METTL5: variants seen among roughly 807,000 people sequenced by gnomAD.
The protein encoded by METTL5 is rRNA N(6)-adenosine-methyltransferase METTL5.
METTL5 carries 28 observed loss-of-function variants against 26.5 expected under a neutral mutation model. The ratio of observed to expected loss-of-function variants is 1.06; its 90% CI spans 0.78 to 1.45. The LOEUF is 1.45. Among genes scored for constraint, METTL5 ranks in the 40% most tolerant of loss-of-function variants. The pLI is 0.00. For missense variants in METTL5, 231 were observed against 249.9 expected, an observed-to-expected ratio of 0.92 and a Z score of 0.51; for synonymous variants, 86 against 82.6, an observed-to-expected ratio of 1.04 and a Z score of -0.22.
At position 169,821,206 on chromosome 2, in the gene METTL5, CAA is replaced by C; in HGVS notation, c.290_291del (p.Phe97Ter). Reference sequence around the variant, plus strand: ...TGAACCATGTCAATATTTGTTAACTCAAACTCTTCTGCATTCCTATTAAATAT... The same window carrying C: ...TGAACCATGTCAATATTTGTTAACTCACTCTTCTGCATTCCTATTAAATAT... ...LEIFNRNAEE[F>X]ELTNIDMVQC... On this transcript the variant is annotated frameshift_variant, in exon 3 of 7. Coordinates refer to ENST00000260953, the MANE Select transcript of METTL5 (RefSeq NM_014168.4). LOFTEE classifies it high-confidence loss of function. 6.2e-7 allele frequency: 1 copy of C among 1,612,894 alleles called. No individual in the cohort carries two copies. The highest frequency in any genetic ancestry group is 8.5e-7 in the Non-Finnish European group (1 of 1,179,376).
Position 169,824,658 on chromosome 2 carries a change from G to T in METTL5, c.-61C>A. 3 of 1,316,054 alleles carry T rather than the reference G, an allele frequency of 2.3e-6. No individual in the cohort carries two copies. Among genetic ancestry groups the T allele is most frequent in the South Asian group, 2.4e-5 (2 of 84,998 alleles). 81.5% of individuals were successfully genotyped at this position (1,316,054 alleles called of 1,614,324 possible). Reference sequence around the variant, plus strand: ...CACAGGATCTGCGGAGAAATCTATTGAACTGGGATCTTGTTTCCTCCCTAC... The same window carrying T: ...CACAGGATCTGCGGAGAAATCTATTTAACTGGGATCTTGTTTCCTCCCTAC... On this transcript the variant is annotated 5_prime_UTR_variant, in exon 1 of 7. Coordinates refer to ENST00000260953, the MANE Select transcript of METTL5 (RefSeq NM_014168.4).
chr2:169,824,535 C>A lies in METTL5; in HGVS notation c.63G>T (p.Lys21Asn). 6.2e-7 allele frequency: 1 copy of A among 1,614,190 alleles called. No homozygotes were observed. The highest frequency in any genetic ancestry group is 8.5e-7 in the Non-Finnish European group (1 of 1,180,014). ...SRLQQVDGFE[K>N]PKLLLEQYPT... Reference sequence around the variant, plus strand: ...GATACTGTTCCAGAAGTAGCTTGGGCTTTTCAAATCCATCCACTTGTTGCA... The same window carrying A: ...GATACTGTTCCAGAAGTAGCTTGGGATTTTCAAATCCATCCACTTGTTGCA... The change falls in exon 1 of 7, where the codon AAG becomes AAT. Residue 21 changes from lysine (K) to asparagine (N), a missense_variant. Transcript: ENST00000260953.
At chr2:169,820,554 T>C (rs1402739935) in intron 3 of METTL5, among the ~76,000 whole-genome samples, 1 of 152,216 alleles carries the variant, frequency 6.6e-6, no homozygotes, top group Non-Finnish European at 1.5e-5. Context: ...AAAACTCAGT[T>C]TCTTAGCCAT....
At chr2:169,814,100 C>T (rs905288025) in intron 5 of METTL5, among the ~76,000 whole-genome samples, 1 of 151,954 alleles carries the variant, frequency 6.6e-6, no homozygotes, top group Non-Finnish European at 1.5e-5. Flanking sequence ...GTGACTATTA[C>T]CCAATTTAGT....
chr2:169,817,936 A>G (rs770460534), intron 4 of METTL5, among the ~76,000 whole-genome samples: 1 of 152,324 alleles, frequency 6.6e-6, no homozygotes, highest in Non-Finnish European at 1.5e-5. Context: ...TGTTATGCCA[A>G]GCTGTGCAGA....
intron 5 of METTL5, among the ~76,000 whole-genome samples, chr2:169,813,673 T>G (rs11695868): frequency 0.78 from 118,218 of 150,862 alleles, 46,827 homozygotes; most frequent in Admixed American, 0.84. Context: ...TGACCAACAT[T>G]GTGAAACCTC....
chr2:169,824,892 C>T lies in METTL5; in HGVS notation c.-295G>A. The T allele has an allele frequency of 4.9e-6, 1 of 202,046 alleles. No homozygotes were observed. Among genetic ancestry groups the T allele is most frequent in the Non-Finnish European group, 9.9e-6 (1 of 101,214 alleles). The allele number at this position is 202,046 out of a possible 1,614,324, so 12.5% of individuals were successfully genotyped here. On this transcript the variant is annotated 5_prime_UTR_variant, in exon 1 of 7. Coordinates refer to ENST00000260953, the MANE Select transcript of METTL5 (RefSeq NM_014168.4). ...CCTCTGGAGGCGACCCGCACCTCGGCCGGTGCCGGAAGCGCCAGGCCGCAC... is the reference window on the plus strand; with the variant it reads ...CCTCTGGAGGCGACCCGCACCTCGGTCGGTGCCGGAAGCGCCAGGCCGCAC...
At chr2:169,816,481 A>G (rs1351923665) in intron 4 of METTL5, among the ~76,000 whole-genome samples, 1 of 152,222 alleles carries the variant, frequency 6.6e-6, no homozygotes, top group Non-Finnish European at 1.5e-5. Context: ...AAGAGCCCAC[A>G]TAGCCAAGAC....
chr2:169,822,084 GT>G (rs376022344), intron 1 of METTL5, 27 bp from the exon 2 acceptor site: 1 of 1,430,254 alleles, frequency 7.0e-7, no homozygotes, highest in Non-Finnish European at 9.3e-7. Flanking sequence ...AAAAGAATAA[GT>G]AAGCAAGCCG....
chr2:169,818,189 C>G (rs2081537421), intron 4 of METTL5, among the ~76,000 whole-genome samples: 1 of 152,170 alleles, frequency 6.6e-6, no homozygotes, highest in South Asian at 2.1e-4. Flanking sequence ...AAGCCCTGGG[C>G]ACTGAGTCTC....
rs1214056851 is a variant in METTL5, at chr2:169,821,239, A to G, written c.259T>C (p.Leu87=). The G allele has an allele frequency of 1.9e-6, 3 of 1,611,466 alleles. No individual in the cohort carries two copies. The highest frequency in any genetic ancestry group is 2.2e-5 in the East Asian group (1 of 44,762). ...TCTGCATTCCTATTAAATATTTCCA[A>G]TGCGTCTTCATCTATGTCAAATCCA... ...CVGFDIDEDA[L]EIFNRNAEEF... The change falls in exon 3 of 7, where the codon TTG becomes CTG. Residue 87 remains leucine, a synonymous_variant. Transcript: ENST00000260953.
rs1340145719 is a variant in METTL5, at chr2:169,821,290, C to A, written c.225-17G>T. 2 of 1,548,282 alleles carry A rather than the reference C, an allele frequency of 1.3e-6. No homozygotes were observed. The highest frequency in any genetic ancestry group is 2.1e-5 in the Admixed American group (1 of 48,146). On this transcript the variant is annotated splice_polypyrimidine_tract_variant and intron_variant, in intron 2 of 6. Transcript: ENST00000260953. ...ACACACAACCTATAAATACAAAACA[C>A]ATACAAAGAGTGGCGACTTATAGCT...
chr2:169,821,794 T>G, intron 2 of METTL5, 149 bp downstream of exon 2: 1 of 635,918 alleles, frequency 1.6e-6, no homozygotes, highest in Non-Finnish European at 2.7e-6. Flanking sequence ...TTTGTTTAGA[T>G]CTTCTGCCCA....
At chr2:169,823,877 C>T (rs1164902342) in intron 1 of METTL5, among the ~76,000 whole-genome samples, 1 of 152,114 alleles carries the variant, frequency 6.6e-6, no homozygotes, top group African/African-American at 2.4e-5. Context: ...ACTTCGGTAA[C>T]ATAAATATAT....
At chr2:169,812,696 GTTA>G in intron 5 of METTL5, 190 bp from the exon 6 acceptor site, 2 of 575,346 alleles carry the variant, frequency 3.5e-6, no homozygotes, top group Non-Finnish European at 5.9e-6. Context: ...TGGCATTTCT[GTTA>G]TTATGGCCAT....
chr2:169,812,001 T>A, intron 6 of METTL5, 143 bp from the exon 7 acceptor site: 1 of 927,818 alleles, frequency 1.1e-6, no homozygotes, highest in Non-Finnish European at 1.6e-6. Flanking sequence ...ATTGCCTTTG[T>A]AATATGAGAA....
At position 169,815,514 on chromosome 2, in the gene METTL5, T is replaced by C; in HGVS notation, c.504A>G (p.Lys168=). The C allele has an allele frequency of 1.2e-6, 2 of 1,602,406 alleles. No homozygotes were observed. The highest frequency in any genetic ancestry group is 2.7e-5 in the African/African-American group (2 of 74,810). ...KSSTREHVQK[K]AAEWKIKIDI... ...CTATCTTGATTTTCCATTCTGCAGC[T>C]TTCTTTTGAACATGCTGAACATAAA... Residue 168 remains lysine (K), a synonymous_variant, in exon 5 of 7, where the codon AAA becomes AAG. Transcript: ENST00000260953.
chr2:169,814,701 A>C (rs1206084783), intron 5 of METTL5, among the ~76,000 whole-genome samples: 1 of 151,522 alleles, frequency 6.6e-6, no homozygotes, highest in African/African-American at 2.4e-5. Context: ...CAGCCTCCTG[A>C]ATAGCTGGGA....
Position 169,820,131 on chromosome 2 carries a change from A to G in METTL5, c.407-488T>C, listed in dbSNP as rs183897105. 6.8e-3 allele frequency among the ~76,000 whole-genome samples: 1,030 copies of G among 152,086 alleles called. 11 individuals are homozygous for G. Among genetic ancestry groups the G allele is most frequent in the African/African-American group, 0.023 (971 of 41,474 alleles). ...TGCCACCATGCCTGGCTCATTTTGT[A>G]TTTTTAGTAGAGACGGGGTTTCTCC... On this transcript the variant is annotated intron_variant, in intron 3 of 6. Transcript: ENST00000260953.
Sources: gnomAD v4.1 joint callset for allele counts (sites outside exome capture counted in the v4.1 genomes callset) on GRCh38, gnomAD v4.1.1 for gene constraint, MANE v1.5 for transcripts, NCBI Gene and HGNC (gene_info 2026-07-23, HGNC 2026-07-21) for gene names.